IER5: variants seen among roughly 807,000 people sequenced by gnomAD.
IER5 encodes the protein immediate early response gene 5 protein.
Under a neutral mutation model 8.2 loss-of-function variants are expected in IER5, and 3 were observed. That is an observed-to-expected ratio of 0.36 (90% CI 0.17 to 0.94). The LOEUF is 0.94. Ranked by LOEUF, IER5 falls within the 40% of genes least tolerant of loss-of-function variation. IER5 has a pLI of 0.43. For synonymous variants in IER5, 286 were observed against 230.1 expected (o/e 1.24, Z -2.20); for missense variants, 531 against 494.3 (o/e 1.07, Z -0.70).
At position 181,092,668 on chromosome 1, in the gene IER5, C is replaced by G. The variant is rs1659501218; in HGVS notation, c.*2782C>G. 6.6e-6 allele frequency: 1 copy of G among 152,122 alleles called. No homozygotes were observed. The highest frequency in any genetic ancestry group is 1.5e-5 in the Non-Finnish European group (1 of 68,030). The allele number at this position is 152,122 out of a possible 1,614,324, so 9.4% of individuals were successfully genotyped here. Reference sequence around the variant, plus strand: ...TCCTTGGACAAGTTACTTCATCTCTCTGTGCCTCAGGTTTTTCAAATGTAA... The same window carrying G: ...TCCTTGGACAAGTTACTTCATCTCTGTGTGCCTCAGGTTTTTCAAATGTAA... On this transcript the variant is annotated 3_prime_UTR_variant, in exon 1 of 1. Transcript: ENST00000367577.
In IER5 at chr1:181,089,806, G is replaced by T; in HGVS notation, c.904G>T (p.Ala302Ser). Residue 302 changes from alanine (A) to serine (S), a missense_variant, in exon 1 of 1, where the codon GCC (alanine) becomes TCC (serine). Transcript: ENST00000367577. ...GGGAGAGGAGAGCGGTCCGGAAGCC[G>T]CCGAGCCCGGGCAGATCTGCTGCGA... ...EEGEESGPEA[A>S]EPGQICCDKP... 6.2e-7 allele frequency: 1 copy of T among 1,613,606 alleles called. No homozygotes were observed. The highest frequency in any genetic ancestry group is 8.5e-7 in the Non-Finnish European group (1 of 1,179,866).
In IER5 at chr1:181,088,972, C is replaced by A; in HGVS notation, c.70C>A (p.Gln24Lys). ...SLGKIYNSRV[Q>K]RGGIKLHKNL... ...GGGCAAGATCTACAACTCGCGGGTC[C>A]AGCGCGGCGGCATCAAGCTGCATAA... Residue 24 changes from glutamine to lysine, a missense_variant, in exon 1 of 1, where the codon CAG (glutamine) becomes AAG (lysine). Gln to Lys is a moderately conservative substitution (Grantham distance 53). Coordinates refer to ENST00000367577, the MANE Select transcript of IER5 (RefSeq NM_016545.5). 1 of 1,613,784 alleles carries A rather than the reference C, an allele frequency of 6.2e-7. No individual in the cohort carries two copies. Among genetic ancestry groups the A allele is most frequent in the Non-Finnish European group, 8.5e-7 (1 of 1,179,934 alleles).
chr1:181,089,894 G>T lies in IER5; in HGVS notation c.*8G>T. 2 of 1,609,998 alleles carry T rather than the reference G, an allele frequency of 1.2e-6. No homozygotes were observed. The highest frequency in any genetic ancestry group is 1.7e-6 in the Non-Finnish European group (2 of 1,179,208). Reference sequence around the variant, plus strand: ...GCCATCGTGGCCTTCTGAGCCCTTGGCCCCCCTGCGGGGAGGAGGTGGAGC... The same window carrying T: ...GCCATCGTGGCCTTCTGAGCCCTTGTCCCCCCTGCGGGGAGGAGGTGGAGC... On this transcript the variant is annotated 3_prime_UTR_variant, in exon 1 of 1. Transcript: ENST00000367577.
chr1:181,089,841 G>T lies in IER5; in HGVS notation c.939G>T (p.Val313=). 6.2e-7 allele frequency: 1 copy of T among 1,613,572 alleles called. No homozygotes were observed. The change falls in exon 1 of 1, where the codon GTG becomes GTT. Residue 313 remains valine (V), a synonymous_variant. Transcript: ENST00000367577. ...GGCAGATCTGCTGCGATAAGCCGGT[G>T]CTGAGAGACATGAACCCCTGGAGCA... ...EPGQICCDKP[V]LRDMNPWSTA...
In IER5 at chr1:181,088,995, T is replaced by C. The variant is rs1659397261; in HGVS notation, c.93T>C (p.His31=). 6.2e-7 allele frequency: 1 copy of C among 1,613,362 alleles called. No individual in the cohort carries two copies. The highest frequency in any genetic ancestry group is 1.3e-5 in the African/African-American group (1 of 74,968). ...SRVQRGGIKL[H]KNLLVSLVLR... is the part of the protein sequence containing the mutation. ...TCCAGCGCGGCGGCATCAAGCTGCATAAGAACCTCCTGGTCTCGCTGGTGC... is the reference window on the plus strand; with the variant it reads ...TCCAGCGCGGCGGCATCAAGCTGCACAAGAACCTCCTGGTCTCGCTGGTGC... Residue 31 remains histidine (H), a synonymous_variant, in exon 1 of 1, where the codon CAT becomes CAC. Coordinates refer to ENST00000367577, the MANE Select transcript of IER5 (RefSeq NM_016545.5).
At position 181,092,767 on chromosome 1, in the gene IER5, A is replaced by G. The variant is rs1407363996; in HGVS notation, c.*2881A>G. On this transcript the variant is annotated 3_prime_UTR_variant, in exon 1 of 1. Coordinates refer to ENST00000367577, the MANE Select transcript of IER5 (RefSeq NM_016545.5). Reference sequence around the variant, plus strand: ...TAATGCTCTTAGAAGAGTACCTCATATGTAATAAGCACGCAACTGTTAATT... The same window carrying G: ...TAATGCTCTTAGAAGAGTACCTCATGTGTAATAAGCACGCAACTGTTAATT... The G allele has an allele frequency of 4.6e-5, 7 of 152,214 alleles. No homozygotes were observed. Among genetic ancestry groups the G allele is most frequent in the African/African-American group, 1.7e-4 (7 of 41,458 alleles). 9.4% of individuals were successfully genotyped at this position (152,214 alleles called of 1,614,324 possible).
rs1430791491 is a variant in IER5 at position 181,089,955 on chromosome 1, C to G, written c.*69C>G. 1.9e-6 allele frequency: 3 copies of G among 1,556,382 alleles called. No homozygotes were observed. Among genetic ancestry groups the G allele is most frequent in the South Asian group, 1.2e-5 (1 of 84,890 alleles). On this transcript the variant is annotated 3_prime_UTR_variant, in exon 1 of 1. Transcript: ENST00000367577. ...CCCGAAGTGAGGGCCAGGCCCTTCC[C>G]GGCTGCGAGGACGCCCAGAGACCGC...
In IER5 at chr1:181,088,791, G is replaced by T; in HGVS notation, c.-112G>T. On this transcript the variant is annotated 5_prime_UTR_variant, in exon 1 of 1. Transcript: ENST00000367577. ...GTCACCAGAGTCGTTTCTCTTCGGA[G>T]TCTTAGGTGATCGAGGGTGTGCCCA... 2.2e-6 allele frequency: 2 copies of T among 905,814 alleles called. No individual in the cohort carries two copies. The highest frequency in any genetic ancestry group is 6.2e-5 in the East Asian group (2 of 32,090). 56.1% of individuals were successfully genotyped at this position (905,814 alleles called of 1,614,324 possible).
Position 181,089,736 on chromosome 1 carries a change from G to A in IER5, c.834G>A (p.Ser278=), listed in dbSNP as rs1297424239. The change falls in exon 1 of 1, where the codon TCG becomes TCA. Residue 278 remains serine, a synonymous_variant. Transcript: ENST00000367577. ...NLISIFGSSF[S]GLLRKSPGGG... ...TCAGCATCTTCGGTTCCAGTTTCTC[G>A]GGACTCCTACGGAAAAGCCCCGGGG... 3 of 1,613,800 alleles carry A rather than the reference G, an allele frequency of 1.9e-6. No individual in the cohort carries two copies. The African/African-American group carries it at 4.0e-5, about 22-fold the overall frequency.
Position 181,089,852 on chromosome 1 carries a change from T to C in IER5, c.950T>C (p.Met317Thr), listed in dbSNP as rs1268740294. 7.4e-6 allele frequency: 12 copies of C among 1,613,126 alleles called. No homozygotes were observed. The highest frequency in any genetic ancestry group is 9.3e-6 in the Non-Finnish European group (11 of 1,179,868). Reference protein sequence around the residue: ...ICCDKPVLRDMNPWSTAIVAF With the variant: ...ICCDKPVLRDTNPWSTAIVAF ...TGCGATAAGCCGGTGCTGAGAGACA[T>C]GAACCCCTGGAGCACAGCCATCGTG... The change falls in exon 1 of 1, where the codon ATG becomes ACG. Residue 317 changes from methionine to threonine, a missense_variant. Coordinates refer to ENST00000367577, the MANE Select transcript of IER5 (RefSeq NM_016545.5).
chr1:181,089,564 C>A lies in IER5; in HGVS notation c.662C>A (p.Ala221Glu). 6.6e-7 allele frequency: 1 copy of A among 1,515,380 alleles called. No homozygotes were observed. Among genetic ancestry groups the A allele is most frequent in the Non-Finnish European group, 8.8e-7 (1 of 1,132,320 alleles). The allele number at this position is 1,515,380 out of a possible 1,614,324, so 93.9% of individuals were successfully genotyped here. The change falls in exon 1 of 1, where the codon GCG becomes GAG. Residue 221 changes from alanine (A) to glutamate (E), a missense_variant. Coordinates refer to ENST00000367577, the MANE Select transcript of IER5 (RefSeq NM_016545.5). ...GCGGTGTGCCCCAGGAAGCGCTGCG[C>A]GGCGGGGGTGGGCGGCGGCCCAGCG... The part of the protein sequence containing the change: ...PPAVCPRKRC[A>E]AGVGGGPAGC...
At position 181,088,817 on chromosome 1, in the gene IER5, G is replaced by C; in HGVS notation, c.-86G>C. ...TCTTAGGTGATCGAGGGTGTGCCCA[G>C]GGGGCGGACTTGTTTGCGCCTCCCG... On this transcript the variant is annotated 5_prime_UTR_variant, in exon 1 of 1. Transcript: ENST00000367577. 3.7e-6 allele frequency: 4 copies of C among 1,078,610 alleles called. No homozygotes were observed. Among genetic ancestry groups the C allele is most frequent in the East Asian group, 3.9e-5 (1 of 25,462 alleles). 66.8% of individuals were successfully genotyped at this position (1,078,610 alleles called of 1,614,324 possible).
At position 181,089,158 on chromosome 1, in the gene IER5, C is replaced by G; in HGVS notation, c.256C>G (p.Pro86Ala). 2 of 1,436,102 alleles carry G rather than the reference C, an allele frequency of 1.4e-6. No homozygotes were observed. The highest frequency in any genetic ancestry group is 1.8e-6 in the Non-Finnish European group (2 of 1,091,050). The allele number at this position is 1,436,102 out of a possible 1,614,324, so 89.0% of individuals were successfully genotyped here. A position where few individuals can be genotyped will look rare whatever the true frequency, so the allele number is the denominator to read the frequency against. Reference sequence around the variant, plus strand: ...CGGGCCACCCGCCGGCTGGGGAGAGCCGCCCCCGCCCGCCGCTCGTGCCTC... The same window carrying G: ...CGGGCCACCCGCCGGCTGGGGAGAGGCGCCCCCGCCCGCCGCTCGTGCCTC... ...AAGPPAGWGE[P>A]PPPAARASWP... The change falls in exon 1 of 1, where the codon CCG (proline) becomes GCG (alanine). Residue 86 changes from proline to alanine, a missense_variant. Physicochemically the swap from Pro to Ala is conservative, Grantham distance 27 (BLOSUM62 -1). Coordinates refer to ENST00000367577, the MANE Select transcript of IER5 (RefSeq NM_016545.5).
In IER5 at chr1:181,088,734, T is replaced by A; in HGVS notation, c.-169T>A. On this transcript the variant is annotated 5_prime_UTR_variant, in exon 1 of 1. It adds an upstream start codon to the 5' untranslated region. Coordinates refer to ENST00000367577, the MANE Select transcript of IER5 (RefSeq NM_016545.5). Reference sequence around the variant, plus strand: ...CCGGACCCGAAACGGGGAAGTTGTCTTGTTTGGAGAGGTTAGTAGAGCAGC... The same window carrying A: ...CCGGACCCGAAACGGGGAAGTTGTCATGTTTGGAGAGGTTAGTAGAGCAGC... 1 of 631,390 alleles carries A rather than the reference T, an allele frequency of 1.6e-6. No homozygotes were observed. The highest frequency in any genetic ancestry group is 2.2e-5 in the South Asian group (1 of 46,204). The allele number at this position is 631,390 out of a possible 1,614,324, so 39.1% of individuals were successfully genotyped here.
In IER5 at chr1:181,089,246, A is replaced by G; in HGVS notation, c.344A>G (p.Asp115Gly). 11 of 1,552,452 alleles carry G rather than the reference A, an allele frequency of 7.1e-6. No homozygotes were observed. Among genetic ancestry groups the G allele is most frequent in the East Asian group, 2.7e-5 (1 of 37,508 alleles). ...SSVSDAPRVG[D>G]EVPVATVTGV... is the part of the protein sequence containing the mutation. ...GTCTCAGACGCGCCGCGGGTAGGGG[A>G]CGAGGTGCCGGTGGCCACGGTGACT... The change falls in exon 1 of 1, where the codon GAC becomes GGC. Residue 115 changes from aspartate to glycine, a missense_variant. By Grantham distance (94) the Asp-to-Gly change is moderately conservative. Transcript: ENST00000367577.
Position 181,090,014 on chromosome 1 carries a change from C to T in IER5, c.*128C>T, listed in dbSNP as rs1428810104. On this transcript the variant is annotated 3_prime_UTR_variant, in exon 1 of 1. Transcript: ENST00000367577. The stretch of plus-strand genomic sequence containing the variant: ...AGCGCGTTGGGCAGACTGGTTGCCT[C>T]TGGGCATCGCAAACTGCCCCCGGGC... 4 of 1,256,472 alleles carry T rather than the reference C, an allele frequency of 3.2e-6. No homozygotes were observed. The highest frequency in any genetic ancestry group is 4.4e-6 in the Non-Finnish European group (4 of 907,530). 77.8% of individuals were successfully genotyped at this position (1,256,472 alleles called of 1,614,324 possible).
In IER5 at chr1:181,089,101, C is replaced by G. The variant is rs1659400055; in HGVS notation, c.199C>G (p.Pro67Ala). ...LAGPAGTPAPPPQQQPGEPAA... is the reference protein window; with the variant it reads ...LAGPAGTPAPAPQQQPGEPAA... ...CGGTCCCGCTGGGACCCCGGCGCCGCCACCGCAGCAGCAGCCCGGGGAGCC... is the reference window on the plus strand; with the variant it reads ...CGGTCCCGCTGGGACCCCGGCGCCGGCACCGCAGCAGCAGCCCGGGGAGCC... The change falls in exon 1 of 1, where the codon CCA becomes GCA. Residue 67 changes from proline (P) to alanine (A), a missense_variant. Physicochemically the swap from Pro to Ala is conservative, Grantham distance 27 (BLOSUM62 -1). Coordinates refer to ENST00000367577, the MANE Select transcript of IER5 (RefSeq NM_016545.5). 6.7e-7 allele frequency: 1 copy of G among 1,503,282 alleles called. No homozygotes were observed. The highest frequency in any genetic ancestry group is 8.9e-7 in the Non-Finnish European group (1 of 1,127,354). The allele number at this position is 1,503,282 out of a possible 1,614,324, so 93.1% of individuals were successfully genotyped here.
chr1:181,089,538 C>T lies in IER5; in HGVS notation c.636C>T (p.Pro212=). ...QPAEDEPPAP[P]AVCPRKRCAA... ...CGGAGGACGAGCCCCCCGCGCCGCC[C>T]GCGGTGTGCCCCAGGAAGCGCTGCG... Residue 212 remains proline (P), a synonymous_variant, in exon 1 of 1, where the codon CCC becomes CCT. Coordinates refer to ENST00000367577, the MANE Select transcript of IER5 (RefSeq NM_016545.5). The T allele has an allele frequency of 3.1e-6, 4 of 1,291,802 alleles. No homozygotes were observed. Among genetic ancestry groups the T allele is most frequent in the Middle Eastern group, 3.0e-4 (1 of 3,364 alleles). The allele number at this position is 1,291,802 out of a possible 1,614,324, so 80.0% of individuals were successfully genotyped here. A position where few individuals can be genotyped will look rare whatever the true frequency, so the allele number is the denominator to read the frequency against.
chr1:181,088,955 T>A lies in IER5; in HGVS notation c.53T>A (p.Ile18Asn). The A allele has an allele frequency of 6.2e-7, 1 of 1,613,636 alleles. No homozygotes were observed. Among genetic ancestry groups the A allele is most frequent in the Non-Finnish European group, 8.5e-7 (1 of 1,179,898 alleles). The change falls in exon 1 of 1, where the codon ATC becomes AAC. Residue 18 changes from isoleucine (I) to asparagine (N), a missense_variant. Ile to Asn is a moderately radical substitution (Grantham distance 149). Coordinates refer to ENST00000367577, the MANE Select transcript of IER5 (RefSeq NM_016545.5). ...ATCGTCAGCATCTCTCTGGGCAAGA[T>A]CTACAACTCGCGGGTCCAGCGCGGC... ...HRIVSISLGK[I>N]YNSRVQRGGI...
Sources: gnomAD v4.1 joint callset for allele counts on GRCh38, gnomAD v4.1.1 for gene constraint, MANE v1.5 for transcripts, NCBI Gene and HGNC (gene_info 2026-07-23, HGNC 2026-07-21) for gene names.